RMDN1: variants seen among roughly 807,000 people sequenced by gnomAD.
RMDN1 encodes regulator of microtubule dynamics protein 1.
A neutral mutation model predicts 48.9 loss-of-function variants in RMDN1; 48 were observed. The observed-to-expected ratio is 0.98, with a 90% CI of 0.78 to 1.25. The LOEUF (loss-of-function observed/expected upper bound fraction) is 1.25, where lower values mean the gene tolerates loss of function less well. Among genes scored for constraint, RMDN1 ranks in the 50% most tolerant of loss-of-function variants. RMDN1 has a pLI of 0.00. For missense variants in RMDN1, 418 were observed against 373.4 expected (o/e 1.12, Z -0.98); for synonymous variants, 148 against 132.6 (o/e 1.12, Z -0.80).
Position 86,480,327 on chromosome 8 carries a change from T to G in RMDN1, c.591A>C (p.Ala197=). 1 of 1,525,316 alleles carries G rather than the reference T, an allele frequency of 6.6e-7. No homozygotes were observed. Among genetic ancestry groups the G allele is most frequent in the Non-Finnish European group, 8.9e-7 (1 of 1,120,166 alleles). 94.5% of individuals were successfully genotyped at this position (1,525,316 alleles called of 1,614,324 possible). The change falls in exon 6 of 10, where the codon GCA becomes GCC. Residue 197 remains alanine (A), a synonymous_variant. Coordinates refer to ENST00000406452, the MANE Select transcript of RMDN1 (RefSeq NM_016033.3). ...TAGCATCTTTAGGGTTCAGTTCAAT[T>G]GCTTTCTAACAAGAAATGAGAAAAA... ...AYIIKEHFEK[A]IELNPKDATS...
At chr8:86,468,405 A>T, downstream of RMDN1, 1 of 449,766 alleles carries the variant, frequency 2.2e-6, no homozygotes, top group Admixed American at 2.4e-5. Context: ...TATTATGAAC[A>T]CTCTGGTAAT....
At chr8:86,490,415 T>C (rs926460652) in intron 2 of RMDN1, among the ~76,000 whole-genome samples, 1 of 151,642 alleles carries the variant, frequency 6.6e-6, no homozygotes, top group Non-Finnish European at 1.5e-5. Context: ...AGAGAAGGAG[T>C]GTCAATGGAA....
Position 86,472,360 on chromosome 8 carries a change from AAC to A in RMDN1, c.*1946_*1947del, listed in dbSNP as rs1379809803. ...GGTCACAGTCAAAATGCAGGTGCAC[AAC>A]ACAGTTTATTCGGTCTCCCTAAAGG... On this transcript the variant is annotated 3_prime_UTR_variant, in exon 10 of 10. Transcript: ENST00000406452. 1.7e-5 allele frequency: 12 copies of A among 697,344 alleles called. No individual in the cohort carries two copies. Among genetic ancestry groups the A allele is most frequent in the South Asian group, 1.2e-4 (8 of 66,524 alleles). The allele number at this position is 697,344 out of a possible 1,614,324, so 43.2% of individuals were successfully genotyped here.
intron 8 of RMDN1, 152 bp from the exon 9 acceptor site, chr8:86,475,105 CA>C: frequency 3.6e-6 from 2 of 549,044 alleles, no homozygotes; most frequent in Middle Eastern, 9.9e-4. Flanking sequence ...GTTTATATCT[CA>C]AACAAATATT....
intron 3 of RMDN1, 33 bp from the exon 4 acceptor site, chr8:86,486,676 T>C: frequency 6.5e-7 from 1 of 1,534,946 alleles, no homozygotes; most frequent in Non-Finnish European, 8.8e-7. Flanking sequence ...ACAACCATTT[T>C]AGCTCACATT....
At chr8:86,482,864 G>A (rs1454134151) in intron 5 of RMDN1, 2 of 1,156,524 alleles carry the variant, frequency 1.7e-6, no homozygotes, top group Non-Finnish European at 2.6e-6. Flanking sequence ...TGAACATACA[G>A]AAGGCCCTGG....
intron 2 of RMDN1, among the ~76,000 whole-genome samples, chr8:86,501,724 CTG>C (rs1306177576): frequency 6.6e-6 from 1 of 151,804 alleles, no homozygotes; most frequent in Admixed American, 6.6e-5. Context: ...AAGTTTAACT[CTG>C]TGAACTTCTT....
intron 2 of RMDN1, 149 bp from the exon 3 acceptor site, chr8:86,488,788 A>G: frequency 2.1e-6 from 1 of 476,968 alleles, no homozygotes. Context: ...GAAATTAGGA[A>G]GAACCTAGAT....
At chr8:86,487,520 A>G (rs1815679332) in intron 3 of RMDN1, among the ~76,000 whole-genome samples, 1 of 152,170 alleles carries the variant, frequency 6.6e-6, no homozygotes, top group Non-Finnish European at 1.5e-5. Flanking sequence ...CCTGGAGGGT[A>G]GAGGTTGCAG....
At position 86,477,334 on chromosome 8, in the gene RMDN1, A is replaced by C. The variant is rs1177949635; in HGVS notation, c.730-10T>G. 1 of 840,646 alleles carries C rather than the reference A, an allele frequency of 1.2e-6. No homozygotes were observed. The highest frequency in any genetic ancestry group is 1.5e-6 in the Non-Finnish European group (1 of 650,498). 52.1% of individuals were successfully genotyped at this position (840,646 alleles called of 1,614,324 possible). A position where few individuals can be genotyped will look rare whatever the true frequency, so the allele number is the denominator to read the frequency against. ...GAAAGTAGCCTAAGGCCTGTCAAAA[A>C]CACAAAGAGCCCAAACATAATAAAA... On this transcript the variant is annotated splice_polypyrimidine_tract_variant and intron_variant, in intron 7 of 9. Transcript: ENST00000406452.
In RMDN1 at chr8:86,498,139, A is replaced by T. The variant is rs144815990; in HGVS notation, c.247+8856T>A. On this transcript the variant is annotated intron_variant, in intron 2 of 9. Coordinates refer to ENST00000406452, the MANE Select transcript of RMDN1 (RefSeq NM_016033.3). Reference sequence around the variant, plus strand: ...GAGACTATTACAAACACCTCTAGGCATACAAACTAGAAAACACAGAAGAAA... The same window carrying T: ...GAGACTATTACAAACACCTCTAGGCTTACAAACTAGAAAACACAGAAGAAA... Among the ~76,000 whole-genome samples the T allele has an allele frequency of 1.3e-3, 195 of 152,338 alleles. 2 individuals carry two copies. The East Asian group carries it at 0.024, about 19-fold the overall frequency.
intron 2 of RMDN1, among the ~76,000 whole-genome samples, chr8:86,502,381 G>A (rs1461437175): frequency 2.0e-5 from 3 of 151,820 alleles, no homozygotes; most frequent in East Asian, 3.9e-4. Flanking sequence ...GGACAAGCAC[G>A]CATCACACAC....
At chr8:86,480,738 A>T (rs1448325068) in intron 5 of RMDN1, among the ~76,000 whole-genome samples, 1 of 152,158 alleles carries the variant, frequency 6.6e-6, no homozygotes, top group African/African-American at 2.4e-5. Context: ...ATTCTTTCCT[A>T]AAGAAGAAAA....
At chr8:86,476,740 G>T (rs913923037) in intron 8 of RMDN1, among the ~76,000 whole-genome samples, 1 of 152,068 alleles carries the variant, frequency 6.6e-6, no homozygotes, top group African/African-American at 2.4e-5. Flanking sequence ...CTGTGGCCCA[G>T]GCTGTAGTGC....
chr8:86,469,650 A>G (rs1184617975), downstream of RMDN1, among the ~76,000 whole-genome samples: 2 of 152,192 alleles, frequency 1.3e-5, no homozygotes, highest in Non-Finnish European at 2.9e-5. Flanking sequence ...GGTTGAACCT[A>G]AGATGATGTG....
chr8:86,513,959 C>A (rs1340825255), intron 1 of RMDN1, among the ~76,000 whole-genome samples: 1 of 152,000 alleles, frequency 6.6e-6, no homozygotes, highest in African/African-American at 2.4e-5. Flanking sequence ...TCTGCCTCAG[C>A]CTCCTGTGTA....
At chr8:86,478,236 A>G (rs886462218) in intron 7 of RMDN1, 5 of 152,206 alleles carry the variant, frequency 3.3e-5, no homozygotes, top group African/African-American at 9.7e-5. Flanking sequence ...CATTATTTTA[A>G]TAATATTTCT....
chr8:86,509,580 T>A (rs1819932256), upstream of RMDN1, among the ~76,000 whole-genome samples: 1 of 152,192 alleles, frequency 6.6e-6, no homozygotes, highest in East Asian at 1.9e-4. Flanking sequence ...ATGGTACTTT[T>A]AATACTGTAT....
chr8:86,486,049 T>G (rs941385408), intron 4 of RMDN1, among the ~76,000 whole-genome samples: 1 of 152,194 alleles, frequency 6.6e-6, no homozygotes, highest in African/African-American at 2.4e-5. Context: ...CTAAGTTACA[T>G]GTGAAAAGTC....
Sources: gnomAD v4.1 joint callset for allele counts (sites outside exome capture counted in the v4.1 genomes callset) on GRCh38, gnomAD v4.1.1 for gene constraint, MANE v1.5 for transcripts, NCBI Gene and HGNC (gene_info 2026-07-23, HGNC 2026-07-21) for gene names.